Variants in SMG6 observed in about 807,000 individuals in gnomAD.
SMG6 encodes telomerase-binding protein EST1A.
Under a neutral mutation model 142.2 loss-of-function variants are expected in SMG6, and 66 were observed. That is an observed-to-expected ratio of 0.46 (90% confidence interval 0.38 to 0.57). The LOEUF (loss-of-function observed/expected upper bound fraction) is 0.57. Among genes scored for constraint, SMG6 ranks in the 20% least tolerant of loss-of-function variants. The pLI is 0.00. For missense variants in SMG6, 1,793 were observed against 1,832.0 expected (o/e 0.98, Z 0.39); for synonymous variants, 779 against 702.4 (o/e 1.11, Z -1.72).
chr17:2,210,286 CT>C lies in SMG6; in HGVS notation c.2870-21772del, dbSNP rs772849830. ...AGGATGAACCGTTTTCTTTTCTTTT[CT>C]TTTTTTTTTTTTTTTAAGAGATGGG... On this transcript the variant is annotated intron_variant, in intron 10 of 18. Coordinates refer to ENST00000263073, the MANE Select transcript of SMG6 (RefSeq NM_017575.5). 9.9e-3 allele frequency among the ~76,000 whole-genome samples: 1,359 copies of C among 137,158 alleles called. 10 individuals carry two copies. The highest frequency in any genetic ancestry group is 0.022 in the African/African-American group (835 of 37,476). 90.0% of individuals were successfully genotyped at this position (137,158 alleles called of 152,430 possible). A position where few individuals can be genotyped will look rare whatever the true frequency, so the allele number is the denominator to read the frequency against.
At chr17:2,273,195 C>T (rs2074576101) in intron 8 of SMG6, among the ~76,000 whole-genome samples, 1 of 152,126 alleles carries the variant, frequency 6.6e-6, no homozygotes, top group Admixed American at 6.5e-5. Flanking sequence ...AATAAGGTGT[C>T]TTTAAACAGA....
At chr17:2,277,706 T>C (rs2074693099) in intron 8 of SMG6, among the ~76,000 whole-genome samples, 1 of 152,202 alleles carries the variant, frequency 6.6e-6, no homozygotes, top group South Asian at 2.1e-4. Flanking sequence ...TTTTAAAAAG[T>C]AAGTTGCAGA....
chr17:2,114,180 G>A (rs1567608395), intron 13 of SMG6, among the ~76,000 whole-genome samples: 1 of 152,188 alleles, frequency 6.6e-6, no homozygotes, highest in African/African-American at 2.4e-5. Context: ...TGAGGCAGGA[G>A]GATAGCTTGA....
intron 10 of SMG6, among the ~76,000 whole-genome samples, chr17:2,229,881 G>C (rs1008975842): frequency 9.2e-5 from 14 of 152,058 alleles, no homozygotes; most frequent in Admixed American, 5.9e-4. Flanking sequence ...GCTCTGAAAA[G>C]GTAGCTGAAA....
chr17:2,297,445 G>A (rs978927686), intron 3 of SMG6, 92 bp from the exon 4 acceptor site: 22 of 904,116 alleles, frequency 2.4e-5, no homozygotes, highest in Non-Finnish European at 3.2e-5. Flanking sequence ...TCACAGTTCT[G>A]CTGATGTTCA....
intron 10 of SMG6, among the ~76,000 whole-genome samples, chr17:2,192,665 A>G (rs2072200050): frequency 6.6e-6 from 1 of 152,172 alleles, no homozygotes; most frequent in Non-Finnish European, 1.5e-5. Context: ...TTTCCGACAT[A>G]AGGCTGCTTT....
intron 10 of SMG6, among the ~76,000 whole-genome samples, chr17:2,194,707 C>CAAAAAAAAAAAAAAAAA (rs11415492): frequency 7.1e-6 from 1 of 139,964 alleles, no homozygotes. Flanking sequence ...GAAAACAAAA[C>CAAAAAAAAAAAAAAAAA]AAAACAAAAA....
chr17:2,196,779 C>T (rs949238161), intron 10 of SMG6, among the ~76,000 whole-genome samples: 1 of 152,154 alleles, frequency 6.6e-6, no homozygotes, highest in Non-Finnish European at 1.5e-5. Flanking sequence ...TGCCTATAAT[C>T]TCAGCAATCT....
In SMG6 at chr17:2,297,339, A is replaced by G; in HGVS notation, c.2055T>C (p.Phe685=). Residue 685 remains phenylalanine, a synonymous_variant, in exon 4 of 19, where the codon TTT becomes TTC. Transcript: ENST00000263073. The part of the protein sequence containing the change: ...LELLDEGSDF[F]DSLLQKLQVT... ...CCTGCAGCTTCTGAAGCAAACTATC[A>G]AAGAAGTCACTACCCTATAAAAAGA... 6.2e-7 allele frequency: 1 copy of G among 1,611,660 alleles called. No homozygotes were observed. Among genetic ancestry groups the G allele is most frequent in the Non-Finnish European group, 8.5e-7 (1 of 1,178,856 alleles).
intron 10 of SMG6, among the ~76,000 whole-genome samples, chr17:2,200,374 T>C (rs926877104): frequency 6.6e-6 from 1 of 152,144 alleles, no homozygotes; most frequent in Non-Finnish European, 1.5e-5. Flanking sequence ...TTTTTTTAAT[T>C]ATACTCTAAG....
At chr17:2,127,751 GT>G in intron 13 of SMG6, 1 of 558,426 alleles carries the variant, frequency 1.8e-6, no homozygotes, top group Non-Finnish European at 3.6e-6. Flanking sequence ...TGTAGTTTGA[GT>G]TTTATTTTCT....
chr17:2,104,269 T>C (rs1445302502), intron 13 of SMG6, among the ~76,000 whole-genome samples: 1 of 152,054 alleles, frequency 6.6e-6, no homozygotes, highest in Non-Finnish European at 1.5e-5. Flanking sequence ...CTAATTTTTG[T>C]ATTTTTAGTA....
intron 13 of SMG6, chr17:2,088,254 G>A: frequency 3.0e-6 from 3 of 985,448 alleles, no homozygotes; most frequent in Non-Finnish European, 3.6e-6. Context: ...ATGGTTTCTG[G>A]CCGACAGGGA....
intron 8 of SMG6, among the ~76,000 whole-genome samples, chr17:2,280,990 G>A (rs1410735799): frequency 6.6e-6 from 1 of 152,130 alleles, no homozygotes; most frequent in Non-Finnish European, 1.5e-5. Context: ...GAAAATCACT[G>A]GAACTCAGGA....
chr17:2,285,023 A>T (rs1209975023), intron 6 of SMG6, among the ~76,000 whole-genome samples: 2 of 152,228 alleles, frequency 1.3e-5, no homozygotes, highest in Non-Finnish European at 2.9e-5. Flanking sequence ...ATCTATTGTT[A>T]TGTCTTATTT....
intron 13 of SMG6, among the ~76,000 whole-genome samples, chr17:2,133,168 C>G (rs932853578): frequency 9.9e-5 from 15 of 152,058 alleles, no homozygotes; most frequent in Non-Finnish European, 1.9e-4. Flanking sequence ...TCACGTGAAC[C>G]CGGGAGACAG....
At chr17:2,127,400 C>T (rs2069934223) in intron 13 of SMG6, 1 of 688,664 alleles carries the variant, frequency 1.5e-6, no homozygotes, top group Non-Finnish European at 2.7e-6. Flanking sequence ...AATCCTTTTC[C>T]CCCCCTCTTT....
At chr17:2,181,121 A>G (rs944148442) in intron 12 of SMG6, among the ~76,000 whole-genome samples, 2 of 152,258 alleles carry the variant, frequency 1.3e-5, no homozygotes, top group Admixed American at 1.3e-4. Flanking sequence ...CTGTAAGGTC[A>G]GTGGGCATGA....
intron 6 of SMG6, among the ~76,000 whole-genome samples, chr17:2,284,318 G>A (rs1403003788): frequency 6.6e-6 from 1 of 152,084 alleles, no homozygotes; most frequent in African/African-American, 2.4e-5. Context: ...ACACTTAACT[G>A]TACTTAATCA....
Sources: allele counts gnomAD v4.1 joint callset (sites outside exome capture counted in the v4.1 genomes callset), GRCh38; gene constraint gnomAD v4.1.1; transcripts MANE v1.5; gene names NCBI Gene and HGNC (gene_info 2026-07-23, HGNC 2026-07-21).